STRADA: variants seen among roughly 807,000 people sequenced by gnomAD.
STRADA encodes the protein STE20-related kinase adapter protein alpha.
STRADA carries 26 observed loss-of-function variants against 55.0 expected under a neutral mutation model. That is an observed-to-expected ratio of 0.47 (90% CI 0.35 to 0.66). The LOEUF (loss-of-function observed/expected upper bound fraction) is 0.66. Among genes scored for constraint, STRADA ranks in the 30% least tolerant of loss-of-function variants. STRADA has a pLI of 0.01. For synonymous variants in STRADA, 197 were observed against 210.9 expected, an observed-to-expected ratio of 0.93 and a Z score of 0.57; for missense variants, 443 against 549.7, an observed-to-expected ratio of 0.81 and a Z score of 1.94.
At position 63,726,926 on chromosome 17, in the gene STRADA, GAAAT is replaced by G; in HGVS notation, c.37-235_37-232del. 7.0e-6 allele frequency: 4 copies of G among 575,308 alleles called. No homozygotes were observed. In the South Asian group the frequency reaches 8.7e-5, roughly 13 times the overall value. 35.6% of individuals were successfully genotyped at this position (575,308 alleles called of 1,614,324 possible). ...AATAATTCTTAAATTTGACAGATGA[GAAAT>G]AGATAGTACTGGCTGTAATAATGAA... On this transcript the variant is annotated intron_variant, in intron 2 of 12. Transcript: ENST00000336174.
In STRADA at chr17:63,703,465, G is replaced by T; in HGVS notation, c.*134C>A. 1.2e-6 allele frequency: 1 copy of T among 829,294 alleles called. No homozygotes were observed. The highest frequency in any genetic ancestry group is 1.9e-6 in the Non-Finnish European group (1 of 536,282). 51.4% of individuals were successfully genotyped at this position (829,294 alleles called of 1,614,324 possible). On this transcript the variant is annotated 3_prime_UTR_variant, in exon 13 of 13. Coordinates refer to ENST00000336174, the MANE Select transcript of STRADA (RefSeq NM_001003787.4). ...CAGGATTTTCTTTCCCAATCAGTCAGCAGTCAACTTTCCTGGAAGAATGTC... is the reference window on the plus strand; with the variant it reads ...CAGGATTTTCTTTCCCAATCAGTCATCAGTCAACTTTCCTGGAAGAATGTC...
chr17:63,704,943 G>A lies in STRADA; in HGVS notation c.859-361C>T, dbSNP rs527731646. 1.6e-4 allele frequency: 250 copies of A among 1,526,850 alleles called. 1 individual carries two copies. The South Asian group carries it at 2.9e-3, about 18-fold the overall frequency. 94.6% of individuals were successfully genotyped at this position (1,526,850 alleles called of 1,614,324 possible). A position where few individuals can be genotyped will look rare whatever the true frequency, so the allele number is the denominator to read the frequency against. On this transcript the variant is annotated intron_variant, in intron 10 of 12. Transcript: ENST00000336174. ...AGGAGCAGTCAGATGAACCTGCTTT[G>A]AAGCCCAGCCGTCTGCCATGCTCAG...
chr17:63,715,099 T>C (rs1192207933), intron 4 of STRADA: 10 of 152,174 alleles, frequency 6.6e-5, no homozygotes, highest in Admixed American at 5.2e-4. Flanking sequence ...GACCCAGCAC[T>C]ACCCAGAAGA....
At chr17:63,738,626 G>T (rs1375761472) in intron 1 of STRADA, among the ~76,000 whole-genome samples, 4 of 152,168 alleles carry the variant, frequency 2.6e-5, no homozygotes, top group African/African-American at 9.6e-5. Flanking sequence ...GGGAGGCCAA[G>T]GCAGGCAGAT....
In STRADA at chr17:63,729,841, CT is replaced by C. The variant is rs1253752753; in HGVS notation, c.-44-1429del. On this transcript the variant is annotated intron_variant, in intron 1 of 12. Coordinates refer to ENST00000336174, the MANE Select transcript of STRADA (RefSeq NM_001003787.4). ...AAAAACCATGTCTCTTTTCCTTTTC[CT>C]TTTTTTTTTTTTGAGATGGAGTTTC... Among the ~76,000 whole-genome samples the C allele has an allele frequency of 3.0e-3, 435 of 142,724 alleles. 1 individual carries two copies. Among genetic ancestry groups the C allele is most frequent in the African/African-American group, 5.6e-3 (220 of 39,180 alleles). 93.6% of individuals were successfully genotyped at this position (142,724 alleles called of 152,430 possible). A position where few individuals can be genotyped will look rare whatever the true frequency, so the allele number is the denominator to read the frequency against.
intron 8 of STRADA, among the ~76,000 whole-genome samples, chr17:63,709,288 C>T (rs1276664637): frequency 2.0e-5 from 3 of 152,230 alleles, no homozygotes; most frequent in African/African-American, 4.8e-5. Context: ...GCCTCCCAAC[C>T]GCTGCCAGTC....
At chr17:63,722,958 A>G (rs1419714977) in intron 4 of STRADA, among the ~76,000 whole-genome samples, 1 of 152,238 alleles carries the variant, frequency 6.6e-6, no homozygotes, top group Non-Finnish European at 1.5e-5. Context: ...GGAAAATTTA[A>G]TAACATTAGT....
intron 1 of STRADA, among the ~76,000 whole-genome samples, chr17:63,735,493 A>G (rs2038356830): frequency 6.6e-6 from 1 of 152,210 alleles, no homozygotes; most frequent in South Asian, 2.1e-4. Context: ...ATAATGGCTT[A>G]TGTTTCTAGG....
intron 3 of STRADA, chr17:63,725,833 C>G (rs1249197884): frequency 6.6e-6 from 1 of 151,996 alleles, no homozygotes; most frequent in Non-Finnish European, 1.5e-5. Context: ...CCACGCCCGG[C>G]TAATTTTTTT....
chr17:63,710,308 T>A, intron 8 of STRADA, 183 bp downstream of exon 8: 1 of 986,232 alleles, frequency 1.0e-6, no homozygotes, highest in Admixed American at 2.9e-5. Flanking sequence ...AGCGCTGTGA[T>A]TACAGGCGTG....
intron 3 of STRADA, among the ~76,000 whole-genome samples, chr17:63,724,641 C>T (rs760571846): frequency 1.2e-4 from 18 of 151,984 alleles, no homozygotes; most frequent in Admixed American, 6.6e-4. Context: ...CTTGAACTCC[C>T]GACCTTGTGA....
chr17:63,722,365 CA>C (rs1474776547), intron 4 of STRADA, among the ~76,000 whole-genome samples: 1 of 152,238 alleles, frequency 6.6e-6, no homozygotes, highest in Non-Finnish European at 1.5e-5. Flanking sequence ...ACAGGTTTCA[CA>C]CAGGATAACT....
chr17:63,723,196 TAA>T, intron 4 of STRADA, 100 bp downstream of exon 4: 4 of 1,338,192 alleles, frequency 3.0e-6, no homozygotes, highest in Non-Finnish European at 3.2e-6. Context: ...CAGTGACAGA[TAA>T]GCAGAAACAT....
At chr17:63,728,996 C>A (rs1044039691) in intron 1 of STRADA, among the ~76,000 whole-genome samples, 1 of 151,990 alleles carries the variant, frequency 6.6e-6, no homozygotes, top group Non-Finnish European at 1.5e-5. Flanking sequence ...CCCCCACTAA[C>A]CTTTTCCCAG....
intron 3 of STRADA, among the ~76,000 whole-genome samples, chr17:63,724,517 TCTC>T (rs1167998521): frequency 6.6e-6 from 1 of 151,940 alleles, no homozygotes; most frequent in Non-Finnish European, 1.5e-5. Flanking sequence ...TCTTGGCAAT[TCTC>T]CTGCCTCAGC....
In STRADA at chr17:63,706,698, C is replaced by T. The variant is rs1334979876; in HGVS notation, c.795G>A (p.Val265=). ...TGGCCAGTTCACAGGCTGTGATTCCCACACTGTAGATGTCAGACTTGGCAT... is the reference window on the plus strand; with the variant it reads ...TGGCCAGTTCACAGGCTGTGATTCCTACACTGTAGATGTCAGACTTGGCAT... ...GYDAKSDIYS[V]GITACELANG... is the part of the protein sequence containing the mutation. Residue 265 remains valine, a synonymous_variant, in exon 10 of 13, where the codon GTG becomes GTA. Transcript: ENST00000336174. 1.2e-6 allele frequency: 2 copies of T among 1,613,956 alleles called. No individual in the cohort carries two copies. The highest frequency in any genetic ancestry group is 1.7e-6 in the Non-Finnish European group (2 of 1,179,956).
At chr17:63,708,481 T>C (rs548062296) in intron 8 of STRADA, among the ~76,000 whole-genome samples, 1 of 152,104 alleles carries the variant, frequency 6.6e-6, no homozygotes, top group South Asian at 2.1e-4. Context: ...TGCATCCAGC[T>C]ATAACTATGT....
chr17:63,712,739 A>G (rs1181907735), intron 6 of STRADA, among the ~76,000 whole-genome samples: 7 of 152,040 alleles, frequency 4.6e-5, no homozygotes, highest in Non-Finnish European at 1.0e-4. Context: ...GGTGGCTCAC[A>G]TTTGTAATCA....
intron 1 of STRADA, among the ~76,000 whole-genome samples, chr17:63,732,388 C>T (rs534948358): frequency 4.6e-5 from 7 of 152,136 alleles, no homozygotes; most frequent in African/African-American, 7.2e-5. Flanking sequence ...GGTGTAACCA[C>T]GGCTCACTGC....
Sources: allele counts gnomAD v4.1 joint callset (sites outside exome capture counted in the v4.1 genomes callset), GRCh38; gene constraint gnomAD v4.1.1; transcripts MANE v1.5; gene names NCBI Gene and HGNC (gene_info 2026-07-23, HGNC 2026-07-21).